NMNAT1: variants seen among roughly 807,000 people sequenced by gnomAD.
NMNAT1 encodes nicotinamide nucleotide adenylyltransferase 1, also known as nicotinamide/nicotinic acid mononucleotide adenylyltransferase 1.
NMNAT1 carries 11 observed loss-of-function variants against 16.7 expected under a neutral mutation model. The ratio of observed to expected loss-of-function variants is 0.66; its 90% confidence interval spans 0.41 to 1.09. The LOEUF (loss-of-function observed/expected upper bound fraction) is 1.09, where lower values mean the gene tolerates loss of function less well. Among genes scored for constraint, NMNAT1 ranks in the 50% least tolerant of loss-of-function variants. The probability of loss-of-function intolerance (pLI) is 0.00; values close to 1 mark genes in which losing one functional copy is unlikely to be tolerated. For missense variants in NMNAT1, 280 were observed against 332.3 expected (o/e 0.84, Z 1.22); for synonymous variants, 110 against 119.8 (o/e 0.92, Z 0.53).
At chr1:9,958,394 C>T (rs2101659230) in intron 1 of NMNAT1, among the ~76,000 whole-genome samples, 1 of 151,410 alleles carries the variant, frequency 6.6e-6, no homozygotes, top group African/African-American at 2.4e-5. Context: ...ACTTATTGTT[C>T]TCCCATTATT....
upstream of NMNAT1, chr1:9,943,000 G>A (rs1417756922): frequency 5.9e-6 from 2 of 339,840 alleles, no homozygotes; most frequent in Non-Finnish European, 1.2e-5. Context: ...TTGAGGGATG[G>A]CGTCAAACCC....
intron 2 of NMNAT1, among the ~76,000 whole-genome samples, chr1:9,974,405 T>TC (rs397979167): frequency 1.0e-4 from 15 of 148,914 alleles, no homozygotes; most frequent in Middle Eastern, 3.2e-3. Flanking sequence ...TTTTTTTTTT[T>TC]GGAGACAGAG....
intron 3 of NMNAT1, among the ~76,000 whole-genome samples, chr1:9,980,370 G>A (rs866468107): frequency 2.6e-5 from 4 of 151,764 alleles, no homozygotes; most frequent in Non-Finnish European, 4.4e-5. Flanking sequence ...TATAATCCCA[G>A]CACTTTGGGA....
intron 4 of NMNAT1, among the ~76,000 whole-genome samples, chr1:9,981,944 A>G (rs1570716467): frequency 1.3e-5 from 2 of 151,996 alleles, no homozygotes; most frequent in South Asian, 4.1e-4. Flanking sequence ...GCTTACTGCA[A>G]CCTCTGCCTC....
rs915056691 is a variant in NMNAT1 at position 9,984,514 on chromosome 1, T to C, written c.*1813T>C. The C allele has an allele frequency of 6.6e-6, 1 of 152,166 alleles. No individual in the cohort carries two copies. The highest frequency in any genetic ancestry group is 1.5e-5 in the Non-Finnish European group (1 of 68,036). The allele number at this position is 152,166 out of a possible 1,614,324, so 9.4% of individuals were successfully genotyped here. A position where few individuals can be genotyped will look rare whatever the true frequency, so the allele number is the denominator to read the frequency against. ...AGGACAGAACTTCCACTTTGAATAA[T>C]GGAAGTTAGAACAATGAATTTCACA... On this transcript the variant is annotated 3_prime_UTR_variant, in exon 5 of 5. Coordinates refer to ENST00000377205, the MANE Select transcript of NMNAT1 (RefSeq NM_022787.4).
chr1:9,968,968 A>T (rs1459428105), intron 1 of NMNAT1, among the ~76,000 whole-genome samples: 3 of 151,672 alleles, frequency 2.0e-5, no homozygotes, highest in Non-Finnish European at 4.4e-5. Context: ...CCAAAGAAAA[A>T]ACCTGGCACA....
At chr1:9,945,844 C>G (rs1489160341) in intron 1 of NMNAT1, among the ~76,000 whole-genome samples, 1 of 152,188 alleles carries the variant, frequency 6.6e-6, no homozygotes, top group Non-Finnish European at 1.5e-5. Context: ...GCCTTAATCT[C>G]TCAGGCTCAA....
chr1:9,959,026 A>G (rs1480552423), intron 1 of NMNAT1, among the ~76,000 whole-genome samples: 1 of 152,172 alleles, frequency 6.6e-6, no homozygotes, highest in African/African-American at 2.4e-5. Flanking sequence ...TTACTGCTCA[A>G]AGCATTTTTG....
intron 1 of NMNAT1, among the ~76,000 whole-genome samples, chr1:9,969,499 C>G (rs1641640657): frequency 6.6e-6 from 1 of 152,098 alleles, no homozygotes; most frequent in South Asian, 2.1e-4. Flanking sequence ...AGGCCAGGCA[C>G]AGTGGTTCAT....
chr1:9,988,146 CA>C (rs1642067750), downstream of NMNAT1, among the ~76,000 whole-genome samples: 2 of 151,878 alleles, frequency 1.3e-5, no homozygotes, highest in Non-Finnish European at 2.9e-5. Flanking sequence ...TATAAGCGCA[CA>C]CCACCGTGCC....
At chr1:9,973,862 G>C (rs1338663895) in intron 2 of NMNAT1, among the ~76,000 whole-genome samples, 1 of 150,678 alleles carries the variant, frequency 6.6e-6, no homozygotes, top group African/African-American at 2.4e-5. Flanking sequence ...TGACTCTACA[G>C]AGTCTCGCTC....
intron 1 of NMNAT1, among the ~76,000 whole-genome samples, chr1:9,963,773 C>T (rs1045876380): frequency 2.6e-5 from 4 of 151,878 alleles, no homozygotes; most frequent in African/African-American, 4.8e-5. Context: ...ATCCAAAGGT[C>T]GAAGATTAAC....
rs768528387 is a variant in NMNAT1, at chr1:9,975,631, G to A, written c.155G>A (p.Gly52Asp). 1 of 1,613,866 alleles carries A rather than the reference G, an allele frequency of 6.2e-7. No individual in the cohort carries two copies. The highest frequency in any genetic ancestry group is 8.5e-7 in the Non-Finnish European group (1 of 1,179,930). ...TVVKGIISPV[G>D]DAYKKKGLIP... ...GTCAAAGGCATCATCTCTCCTGTTGGTGATGCCTACAAGAAGAAAGGACTC... is the reference window on the plus strand; with the variant it reads ...GTCAAAGGCATCATCTCTCCTGTTGATGATGCCTACAAGAAGAAAGGACTC... The change falls in exon 3 of 5, where the codon GGT becomes GAT. Residue 52 changes from glycine to aspartate, a missense_variant. By Grantham distance (94) the Gly-to-Asp change is moderately conservative (BLOSUM62 -1). Transcript: ENST00000377205.
chr1:9,989,928 C>T (rs1280313714), downstream of NMNAT1, among the ~76,000 whole-genome samples: 1 of 152,200 alleles, frequency 6.6e-6, no homozygotes, highest in African/African-American at 2.4e-5. Context: ...AGTTTTGCTC[C>T]TTCAGGTGCC....
At chr1:9,957,561 G>A (rs868581336) in intron 1 of NMNAT1, among the ~76,000 whole-genome samples, 1 of 152,110 alleles carries the variant, frequency 6.6e-6, no homozygotes, top group East Asian at 1.9e-4. Flanking sequence ...AAAGTGCTGG[G>A]ATTACAGGTG....
the NMNAT1 span, among the ~76,000 whole-genome samples, chr1:9,994,596 AATTTTTTGT>A: frequency 3.1e-5 from 4 of 130,882 alleles, no homozygotes; most frequent in African/African-American, 1.2e-4. Context: ...ATGCCTGGCT[AATTTTTTGT>A]ATTTTTTGTA....
intron 1 of NMNAT1, among the ~76,000 whole-genome samples, chr1:9,957,066 G>A (rs1641280239): frequency 6.6e-6 from 1 of 151,872 alleles, no homozygotes; most frequent in South Asian, 2.1e-4. Flanking sequence ...TTTCGCTCTT[G>A]TCACCCAGGC....
chr1:9,996,672 TC>T, the NMNAT1 span, among the ~76,000 whole-genome samples: 2 of 152,168 alleles, frequency 1.3e-5, no homozygotes, highest in Admixed American at 1.3e-4. Flanking sequence ...CTTTCCCTCT[TC>T]CCTACCTTGA....
chr1:9,958,955 G>A (rs1307059827), intron 1 of NMNAT1, among the ~76,000 whole-genome samples: 1 of 152,168 alleles, frequency 6.6e-6, no homozygotes, highest in Non-Finnish European at 1.5e-5. Flanking sequence ...GAAACTGACT[G>A]TTAACTGACA....
Sources: allele counts gnomAD v4.1 joint callset (sites outside exome capture counted in the v4.1 genomes callset), GRCh38; gene constraint gnomAD v4.1.1; transcripts MANE v1.5; gene names NCBI Gene and HGNC (gene_info 2026-07-23, HGNC 2026-07-21).